The following PLCZ1 variants were observed in gnomAD, a reference collection of about 807,000 sequenced individuals.
PLCZ1 encodes 1-phosphatidylinositol 4,5-bisphosphate phosphodiesterase zeta-1.
PLCZ1 carries 64 observed loss-of-function variants against 76.8 expected under a neutral mutation model. That is an observed-to-expected ratio of 0.83 (90% CI 0.68 to 1.03). The LOEUF is 1.03. Ranked by LOEUF, PLCZ1 falls within the 50% of genes least tolerant of loss-of-function variation. The probability of loss-of-function intolerance (pLI) is 0.00; values close to 1 mark genes in which losing one functional copy is unlikely to be tolerated. For missense variants in PLCZ1, 751 were observed against 713.7 expected (o/e 1.05, Z -0.60); for synonymous variants, 248 against 230.8 (o/e 1.07, Z -0.68).
intron 10 of PLCZ1, among the ~76,000 whole-genome samples, chr12:18,696,809 G>C (rs1234014625): frequency 6.6e-6 from 1 of 152,132 alleles, no homozygotes; most frequent in South Asian, 2.1e-4. Context: ...CTTCACTCCA[G>C]CATCTTCCCC....
chr12:18,648,099 A>T, the PLCZ1 span: 4 of 913,968 alleles, frequency 4.4e-6, no homozygotes, highest in African/African-American at 6.8e-5. Context: ...TCTGAATCAC[A>T]TAAGTAAGGC....
chr12:18,650,949 A>G, the PLCZ1 span, among the ~76,000 whole-genome samples: 1 of 151,250 alleles, frequency 6.6e-6, no homozygotes, highest in Non-Finnish European at 1.5e-5. Flanking sequence ...TGCTCCTTAT[A>G]GTCTATTCTC....
chr12:18,654,589 T>C, the PLCZ1 span, among the ~76,000 whole-genome samples: 1 of 152,294 alleles, frequency 6.6e-6, no homozygotes, highest in Non-Finnish European at 1.5e-5. Context: ...GGGTGTTCCC[T>C]GAGGAAAAAT....
downstream of PLCZ1, among the ~76,000 whole-genome samples, chr12:18,678,378 A>T (rs1311374398): frequency 1.3e-5 from 2 of 152,066 alleles, no homozygotes; most frequent in Non-Finnish European, 2.9e-5. Context: ...AAGTTAATAA[A>T]GCTTCACGTT....
the PLCZ1 span, among the ~76,000 whole-genome samples, chr12:18,648,573 C>T: frequency 6.6e-6 from 1 of 152,118 alleles, no homozygotes; most frequent in Non-Finnish European, 1.5e-5. Context: ...TTCTTACATT[C>T]AATTGTTGGA....
chr12:18,725,200 A>G (rs1958680182), intron 3 of PLCZ1, among the ~76,000 whole-genome samples: 1 of 152,178 alleles, frequency 6.6e-6, no homozygotes, highest in Non-Finnish European at 1.5e-5. Flanking sequence ...TAATTTTAGT[A>G]GAAAGAGAAT....
chr12:18,712,522 CTA>C (rs1957462251), intron 6 of PLCZ1, among the ~76,000 whole-genome samples: 1 of 152,046 alleles, frequency 6.6e-6, no homozygotes, highest in Non-Finnish European at 1.5e-5. Flanking sequence ...AAAATATCTA[CTA>C]TTACCTAGAC....
intron 4 of PLCZ1, among the ~76,000 whole-genome samples, chr12:18,720,677 C>T (rs1037190845): frequency 2.6e-5 from 4 of 151,940 alleles, no homozygotes; most frequent in Non-Finnish European, 4.4e-5. Flanking sequence ...GTGACATGAG[C>T]ATTCACTTGA....
At chr12:18,675,974 G>A in the PLCZ1 span, among the ~76,000 whole-genome samples, 1 of 151,788 alleles carries the variant, frequency 6.6e-6, no homozygotes, top group Non-Finnish European at 1.5e-5. Flanking sequence ...TATATAGCCA[G>A]GTAACAAGCC....
chr12:18,685,719 T>C (rs571178853), intron 13 of PLCZ1: 1 of 495,724 alleles, frequency 2.0e-6, no homozygotes, highest in Non-Finnish European at 4.0e-6. Flanking sequence ...TCTTTATAGA[T>C]ACTGCAAAAC....
chr12:18,664,493 T>A, the PLCZ1 span, among the ~76,000 whole-genome samples: 1 of 152,124 alleles, frequency 6.6e-6, no homozygotes, highest in African/African-American at 2.4e-5. Context: ...TAGAGGGCAT[T>A]ATGCTAAGTG....
chr12:18,737,619 T>C, intron 1 of PLCZ1, 110 bp from the exon 2 acceptor site: 2 of 611,276 alleles, frequency 3.3e-6, no homozygotes, highest in Non-Finnish European at 5.9e-6. Context: ...TGCACTACCC[T>C]GCCCTTGAAA....
intron 13 of PLCZ1, among the ~76,000 whole-genome samples, chr12:18,684,727 C>T (rs936883725): frequency 6.6e-6 from 1 of 152,066 alleles, no homozygotes; most frequent in East Asian, 1.9e-4. Flanking sequence ...AATTAAGTAA[C>T]ATCATTTTTC....
At position 18,683,734 on chromosome 12, in the gene PLCZ1, G is replaced by A. The variant is rs571831703; in HGVS notation, c.1741+396C>T. On this transcript the variant is annotated intron_variant, in intron 14 of 14. Transcript: ENST00000266505. Reference sequence around the variant, plus strand: ...CATAAAGGTAGTCAGCCCTGAAAAGGGGTCAGGAAAGGATAGTCTCAGGCT... The same window carrying A: ...CATAAAGGTAGTCAGCCCTGAAAAGAGGTCAGGAAAGGATAGTCTCAGGCT... 418 of 817,536 alleles carry A rather than the reference G, an allele frequency of 5.1e-4. No homozygotes were observed. The African/African-American group carries it at 6.5e-3, about 13-fold the overall frequency. 50.6% of individuals were successfully genotyped at this position (817,536 alleles called of 1,614,324 possible).
chr12:18,721,384 T>C (rs576808700), intron 4 of PLCZ1, among the ~76,000 whole-genome samples: 1 of 152,160 alleles, frequency 6.6e-6, no homozygotes, highest in African/African-American at 2.4e-5. Context: ...TCAATAATCA[T>C]GTAAATGAAA....
chr12:18,704,133 G>A (rs1299684348), intron 7 of PLCZ1, among the ~76,000 whole-genome samples: 1 of 152,104 alleles, frequency 6.6e-6, no homozygotes, highest in Non-Finnish European at 1.5e-5. Flanking sequence ...GGAAGTGGAG[G>A]TCGACAGTAT....
intron 14 of PLCZ1, chr12:18,683,543 C>A: frequency 6.7e-7 from 1 of 1,502,894 alleles, no homozygotes. Flanking sequence ...ACAGCTCATA[C>A]TTCTCCTTCC....
intron 2 of PLCZ1, 122 bp downstream of exon 2, chr12:18,737,238 AG>A: frequency 1.9e-6 from 2 of 1,037,734 alleles, no homozygotes; most frequent in Non-Finnish European, 3.0e-6. Context: ...AACAGGGAAA[AG>A]CAGTTCAACT....
intron 5 of PLCZ1, 148 bp from the exon 6 acceptor site, chr12:18,713,134 G>C (rs1957539744): frequency 9.7e-7 from 1 of 1,034,824 alleles, no homozygotes; most frequent in Admixed American, 2.3e-5. Context: ...TTTGGGACAA[G>C]TTTTGAGTCT....
Sources: gnomAD v4.1 joint callset for allele counts (sites outside exome capture counted in the v4.1 genomes callset) on GRCh38, gnomAD v4.1.1 for gene constraint, MANE v1.5 for transcripts, NCBI Gene and HGNC (gene_info 2026-07-23, HGNC 2026-07-21) for gene names.